Variants in CAV3 observed in about 807,000 individuals in gnomAD.
The protein encoded by CAV3 is caveolin-3.
CAV3 carries 10 observed loss-of-function variants against 13.4 expected under a neutral mutation model. That is an observed-to-expected ratio of 0.75 (90% CI 0.46 to 1.27). The LOEUF is 1.27. Ranked by LOEUF, CAV3 falls within the 50% of genes most tolerant of loss-of-function variation. The pLI, the probability that CAV3 is intolerant of heterozygous loss-of-function variation, is 0.00. For missense variants in CAV3, 162 were observed against 194.0 expected (o/e 0.83, Z 0.98); for synonymous variants, 90 against 79.0 (o/e 1.14, Z -0.74).
intron 1 of CAV3, among the ~76,000 whole-genome samples, chr3:8,737,653 G>T (rs1281758469): frequency 1.3e-5 from 2 of 152,104 alleles, no homozygotes; most frequent in Non-Finnish European, 2.9e-5. Context: ...GTTGCCACTT[G>T]CCCTCCTCAC....
Position 8,733,857 on chromosome 3 carries a change from T to C in CAV3, c.-20T>C, listed in dbSNP as rs1477867478. The C allele has an allele frequency of 8.0e-6, 12 of 1,504,050 alleles. No individual in the cohort carries two copies. The highest frequency in any genetic ancestry group is 1.1e-5 in the Non-Finnish European group (12 of 1,079,602). 93.2% of individuals were successfully genotyped at this position (1,504,050 alleles called of 1,614,324 possible). A position where few individuals can be genotyped will look rare whatever the true frequency, so the allele number is the denominator to read the frequency against. ...GCCACACAGCTCGGATCTCCTCCTG[T>C]GGATCCCCCCAGCTCTGCGATGATG... On this transcript the variant is annotated 5_prime_UTR_variant, in exon 1 of 2. Transcript: ENST00000343849.
intron 1 of CAV3, among the ~76,000 whole-genome samples, chr3:8,735,166 T>C (rs982524385): frequency 1.2e-4 from 19 of 152,352 alleles, no homozygotes; most frequent in African/African-American, 4.6e-4. Context: ...CCAATAGGGA[T>C]ACTGTTACCA....
intron 1 of CAV3, among the ~76,000 whole-genome samples, chr3:8,734,377 T>A (rs1409770995): frequency 6.6e-6 from 1 of 152,138 alleles, no homozygotes; most frequent in African/African-American, 2.4e-5. Flanking sequence ...ATTTCTGCGG[T>A]CTCTCCAGTG....
chr3:8,743,845 T>C (rs1708055686), intron 1 of CAV3, among the ~76,000 whole-genome samples: 1 of 152,358 alleles, frequency 6.6e-6, no homozygotes, highest in South Asian at 2.1e-4. Context: ...CAATCATATC[T>C]TTAGTAATAG....
rs544785888 is a variant in CAV3 at position 8,734,533 on chromosome 3, G to A, written c.114+543G>A. The stretch of plus-strand genomic sequence containing the variant: ...TCCCCTAGCTACCCCCTCACCCCAG[G>A]TCTAGTGGCCAGGACAGGGCAGACG... On this transcript the variant is annotated intron_variant, in intron 1 of 1. Transcript: ENST00000343849. Among the ~76,000 whole-genome samples, 130 of 152,214 alleles carry A rather than the reference G, an allele frequency of 8.5e-4. 1 individual carries two copies. The highest frequency in any genetic ancestry group is 3.0e-3 in the African/African-American group (123 of 41,530).
chr3:8,739,638 A>T (rs542889297), intron 1 of CAV3, among the ~76,000 whole-genome samples: 226 of 149,588 alleles, frequency 1.5e-3, no homozygotes, highest in African/African-American at 5.2e-3. Context: ...AAAAAAAAAG[A>T]GTTTCACGCT....
intron 1 of CAV3, chr3:8,742,706 C>A (rs1262485492): frequency 3.1e-6 from 1 of 321,830 alleles, no homozygotes; most frequent in Non-Finnish European, 6.2e-6. Flanking sequence ...AGTGGGTAAT[C>A]AATCAGTATT....
At chr3:8,742,546 T>C (rs746321327) in intron 1 of CAV3, 14 of 452,868 alleles carry the variant, frequency 3.1e-5, no homozygotes, top group Non-Finnish European at 5.3e-5. Context: ...GGCTGGAGAA[T>C]AATCCGGGAT....
In CAV3 at chr3:8,745,965, T is replaced by C; in HGVS notation, c.*98T>C. ...AGGGGCTGCTGGCGAGCTCTTTCTC[T>C]TTAGGGACTGCTCCATACCCCATGA... On this transcript the variant is annotated 3_prime_UTR_variant, in exon 2 of 2. Coordinates refer to ENST00000343849, the MANE Select transcript of CAV3 (RefSeq NM_033337.3). This position sits in a 1 kb window ranked among gnomAD's most constrained non-coding sequence, Gnocchi z 4.8. 1.1e-6 allele frequency: 1 copy of C among 945,954 alleles called. No homozygotes were observed. The highest frequency in any genetic ancestry group is 1.6e-6 in the Non-Finnish European group (1 of 619,776). 58.6% of individuals were successfully genotyped at this position (945,954 alleles called of 1,614,324 possible).
rs1265791396 is a variant in CAV3, at chr3:8,733,843, C to G, written c.-34C>G. 7.4e-7 allele frequency: 1 copy of G among 1,353,408 alleles called. No individual in the cohort carries two copies. Among genetic ancestry groups the G allele is most frequent in the East Asian group, 2.3e-5 (1 of 43,648 alleles). The allele number at this position is 1,353,408 out of a possible 1,614,324, so 83.8% of individuals were successfully genotyped here. A position where few individuals can be genotyped will look rare whatever the true frequency, so the allele number is the denominator to read the frequency against. On this transcript the variant is annotated 5_prime_UTR_variant, in exon 1 of 2. Coordinates refer to ENST00000343849, the MANE Select transcript of CAV3 (RefSeq NM_033337.3). ...TTCAGCCCCAGCCGGCCACACAGCT[C>G]GGATCTCCTCCTGTGGATCCCCCCA... is the stretch of plus-strand genomic sequence containing the variant.
chr3:8,734,731 TTC>T (rs1707691214), intron 1 of CAV3, among the ~76,000 whole-genome samples: 1 of 152,118 alleles, frequency 6.6e-6, no homozygotes, highest in Admixed American at 6.5e-5. Context: ...TCTTTCTTTT[TTC>T]TTTTTGAGAC....
At chr3:8,744,924 A>C (rs13078112) in intron 1 of CAV3, 13,687 of 153,206 alleles carry the variant, frequency 0.089, 812 homozygotes, top group Non-Finnish European at 0.14. Flanking sequence ...CTCAACAGGG[A>C]GCTTGTTAGA....
In CAV3 at chr3:8,734,048, C is replaced by T. The variant is rs544042019; in HGVS notation, c.114+58C>T. 1,377 of 950,590 alleles carry T rather than the reference C, an allele frequency of 1.4e-3. 2 individuals carry two copies. The highest frequency in any genetic ancestry group is 1.3e-3 in the Non-Finnish European group (782 of 582,794). The allele number at this position is 950,590 out of a possible 1,614,324, so 58.9% of individuals were successfully genotyped here. On this transcript the variant is annotated intron_variant, in intron 1 of 1. Coordinates refer to ENST00000343849, the MANE Select transcript of CAV3 (RefSeq NM_033337.3). ...GAGTGTCAGGTTTGCGAGACGTGGGCGCTTGGCAGGGGAGGGTATCTGCTG... is the reference window on the plus strand; with the variant it reads ...GAGTGTCAGGTTTGCGAGACGTGGGTGCTTGGCAGGGGAGGGTATCTGCTG...
At position 8,746,720 on chromosome 3, in the gene CAV3, T is replaced by C. The variant is rs886058920; in HGVS notation, c.*853T>C. ...GAAGGAACAAGGTCTAATTTGTGCG[T>C]GTGTGGACTCACTATGGAAATAAAA... is the stretch of plus-strand genomic sequence containing the variant. On this transcript the variant is annotated 3_prime_UTR_variant, in exon 2 of 2. Coordinates refer to ENST00000343849, the MANE Select transcript of CAV3 (RefSeq NM_033337.3). 6.6e-6 allele frequency: 1 copy of C among 152,100 alleles called. No individual in the cohort carries two copies. Among genetic ancestry groups the C allele is most frequent in the East Asian group, 1.9e-4 (1 of 5,190 alleles). The allele number at this position is 152,100 out of a possible 1,614,324, so 9.4% of individuals were successfully genotyped here.
Position 8,745,053 on chromosome 3 carries a change from GGT to G in CAV3, c.115-471_115-470del, listed in dbSNP as rs879658071. On this transcript the variant is annotated intron_variant, in intron 1 of 1. Coordinates refer to ENST00000343849, the MANE Select transcript of CAV3 (RefSeq NM_033337.3). The surrounding 1 kb of genome is among the most constrained non-coding windows in gnomAD (Gnocchi z 4.8). The stretch of plus-strand genomic sequence containing the variant: ...GTGAAACATAATCTCCAATATTGGA[GGT>G]GGGGCCGGGTGGGAGGTGATCGGAT... 6.6e-5 allele frequency: 11 copies of G among 166,730 alleles called. No individual in the cohort carries two copies. Among genetic ancestry groups the G allele is most frequent in the Non-Finnish European group, 1.3e-4 (10 of 75,706 alleles). The allele number at this position is 166,730 out of a possible 1,614,324, so 10.3% of individuals were successfully genotyped here.
chr3:8,734,844 G>C (rs1707694458), intron 1 of CAV3, among the ~76,000 whole-genome samples: 1 of 152,168 alleles, frequency 6.6e-6, no homozygotes, highest in African/African-American at 2.4e-5. Context: ...TCCACCTCCT[G>C]ATTAGCTGGG....
At position 8,733,807 on chromosome 3, in the gene CAV3, C is replaced by T; in HGVS notation, c.-70C>T. The T allele has an allele frequency of 1.1e-6, 1 of 909,184 alleles. No individual in the cohort carries two copies. Among genetic ancestry groups the T allele is most frequent in the South Asian group, 1.4e-5 (1 of 73,806 alleles). 56.3% of individuals were successfully genotyped at this position (909,184 alleles called of 1,614,324 possible). ...TGGGGACACTGAATTGGTCTCTCTG[C>T]CCCAAGTATTTTCAGCCCCAGCCGG... On this transcript the variant is annotated 5_prime_UTR_variant, in exon 1 of 2. Transcript: ENST00000343849.
chr3:8,743,546 G>A (rs1359688851), intron 1 of CAV3, among the ~76,000 whole-genome samples: 1 of 152,104 alleles, frequency 6.6e-6, no homozygotes, highest in Non-Finnish European at 1.5e-5. Context: ...GAAAGCTGGG[G>A]GCCAAGATTA....
At chr3:8,743,089 C>CA (rs35916616) in intron 1 of CAV3, among the ~76,000 whole-genome samples, 14,669 of 152,016 alleles carry the variant, frequency 0.096, 842 homozygotes, top group Non-Finnish European at 0.14. Context: ...TGTGAACTAA[C>CA]GAGCAAGAAC....
Sources: gnomAD v4.1 joint callset for allele counts (sites outside exome capture counted in the v4.1 genomes callset) on GRCh38, gnomAD v4.1.1 for gene constraint, Gnocchi (gnomAD v3.1) non-coding constraint, MANE v1.5 for transcripts, NCBI Gene and HGNC (gene_info 2026-07-23, HGNC 2026-07-21) for gene names.